Variants in EPHA6 observed in about 807,000 individuals in gnomAD.
EPHA6 encodes ephrin type-A receptor 6.
A neutral mutation model predicts 112.0 loss-of-function variants in EPHA6; 50 were observed. The observed-to-expected ratio is 0.45, with a 90% confidence interval of 0.36 to 0.56. The LOEUF is 0.56. Among genes scored for constraint, EPHA6 ranks in the 20% least tolerant of loss-of-function variants. The pLI, the probability that EPHA6 is intolerant of heterozygous loss-of-function variation, is 0.00. For missense variants in EPHA6, 1,280 were observed against 1,417.4 expected (o/e 0.90, Z 1.56); for synonymous variants, 529 against 490.7 (o/e 1.08, Z -1.03).
intron 2 of EPHA6, among the ~76,000 whole-genome samples, chr3:96,948,164 G>A (rs182043213): frequency 6.6e-6 from 1 of 151,958 alleles, no homozygotes; most frequent in Non-Finnish European, 1.5e-5. Context: ...TTGCACTTTG[G>A]CAAAGTTTAT....
intron 5 of EPHA6, among the ~76,000 whole-genome samples, chr3:97,253,555 C>A (rs1264453933): frequency 1.3e-5 from 2 of 152,092 alleles, no homozygotes; most frequent in African/African-American, 4.8e-5. Context: ...TATTTGTATT[C>A]ATTCTTTTAT....
chr3:97,345,740 C>A (rs529199096), intron 5 of EPHA6, among the ~76,000 whole-genome samples: 1 of 152,094 alleles, frequency 6.6e-6, no homozygotes, highest in South Asian at 2.1e-4. Context: ...ATGGTATAAC[C>A]TTTACCCACA....
intron 5 of EPHA6, among the ~76,000 whole-genome samples, chr3:97,396,607 T>TA (rs776025870): frequency 9.2e-5 from 14 of 151,758 alleles, no homozygotes; most frequent in Middle Eastern, 6.9e-3. Flanking sequence ...GAAAATGTAG[T>TA]AAAAAATGTA....
intron 11 of EPHA6, among the ~76,000 whole-genome samples, chr3:97,536,861 A>T (rs1257353745): frequency 2.6e-5 from 4 of 152,124 alleles, no homozygotes; most frequent in Non-Finnish European, 5.9e-5. Context: ...ACCACCACAC[A>T]CAAAAAAACG....
intron 7 of EPHA6, among the ~76,000 whole-genome samples, chr3:97,473,748 C>G (rs1320746525): frequency 6.6e-6 from 1 of 151,678 alleles, no homozygotes; most frequent in Non-Finnish European, 1.5e-5. Context: ...ACATTCATTC[C>G]CATGATATCG....
At chr3:96,849,058 G>T (rs2035241222) in intron 1 of EPHA6, among the ~76,000 whole-genome samples, 1 of 152,088 alleles carries the variant, frequency 6.6e-6, no homozygotes, top group South Asian at 2.1e-4. Flanking sequence ...CTGTCTTCTG[G>T]AGCAGCCTTC....
At chr3:96,943,134 G>T (rs1269820634) in intron 2 of EPHA6, among the ~76,000 whole-genome samples, 1 of 151,868 alleles carries the variant, frequency 6.6e-6, no homozygotes, top group Admixed American at 6.6e-5. Context: ...CGTCCTCCAG[G>T]TTCATCCGTG....
chr3:97,439,618 A>T (rs2090031911), intron 6 of EPHA6: 1 of 1,005,544 alleles, frequency 9.9e-7, no homozygotes, highest in South Asian at 4.7e-5. Flanking sequence ...GCAGAGTGGA[A>T]CTTCCCAGCC....
At chr3:97,204,508 A>G (rs532578791) in intron 3 of EPHA6, among the ~76,000 whole-genome samples, 14 of 152,248 alleles carry the variant, frequency 9.2e-5, no homozygotes, top group African/African-American at 2.4e-4. Context: ...TAGTAAGTGG[A>G]TGGGCCAAGA....
At chr3:97,094,610 T>G (rs1338961650) in intron 3 of EPHA6, among the ~76,000 whole-genome samples, 1 of 152,166 alleles carries the variant, frequency 6.6e-6, no homozygotes, top group Non-Finnish European at 1.5e-5. Context: ...ATCTGGTTAT[T>G]TCTTTGAGGT....
intron 9 of EPHA6, chr3:97,481,100 G>A (rs535505754): frequency 3.7e-6 from 2 of 533,918 alleles, no homozygotes; most frequent in African/African-American, 3.8e-5. Flanking sequence ...CTGCAATCTC[G>A]ACACTTTGGG....
At chr3:97,530,567 T>C (rs2092684352) in intron 10 of EPHA6, among the ~76,000 whole-genome samples, 1 of 151,742 alleles carries the variant, frequency 6.6e-6, no homozygotes, top group East Asian at 1.9e-4. Context: ...GTCAGGAAAT[T>C]CATCCTCCAA....
intron 14 of EPHA6, among the ~76,000 whole-genome samples, chr3:97,643,965 C>T (rs1196356053): frequency 4.6e-5 from 7 of 151,078 alleles, no homozygotes; most frequent in Non-Finnish European, 1.0e-4. Flanking sequence ...AACTCTCCAC[C>T]CCAAATCAAC....
chr3:96,943,267 G>A (rs2041076414), intron 2 of EPHA6, among the ~76,000 whole-genome samples: 1 of 151,818 alleles, frequency 6.6e-6, no homozygotes, highest in South Asian at 2.1e-4. Context: ...AAAATATCTA[G>A]AAGGGAGGAT....
At chr3:97,285,811 A>G (rs958428090) in intron 5 of EPHA6, among the ~76,000 whole-genome samples, 10 of 152,074 alleles carry the variant, frequency 6.6e-5, no homozygotes, top group Non-Finnish European at 1.5e-4. Flanking sequence ...AGAAATCTTT[A>G]TACTGTTTTC....
At chr3:97,266,025 C>T (rs2079670307) in intron 5 of EPHA6, among the ~76,000 whole-genome samples, 1 of 152,178 alleles carries the variant, frequency 6.6e-6, no homozygotes, top group Non-Finnish European at 1.5e-5. Flanking sequence ...ATGCCCATAA[C>T]TTAAAATCTG....
chr3:96,984,423 C>G (rs997893670), intron 2 of EPHA6, among the ~76,000 whole-genome samples: 1 of 152,154 alleles, frequency 6.6e-6, no homozygotes, highest in Non-Finnish European at 1.5e-5. Context: ...AGCTTCATCT[C>G]TGAGGGGTAC....
At chr3:97,714,866 C>G (rs1268388567) in intron 14 of EPHA6, among the ~76,000 whole-genome samples, 2 of 152,234 alleles carry the variant, frequency 1.3e-5, no homozygotes, top group African/African-American at 2.4e-5. Flanking sequence ...CTCCAGTAAG[C>G]ACATTAATGC....
chr3:97,564,008 T>C (rs989575454), intron 11 of EPHA6, among the ~76,000 whole-genome samples: 4 of 152,092 alleles, frequency 2.6e-5, no homozygotes, highest in Admixed American at 2.0e-4. Flanking sequence ...TGGAGGCTAA[T>C]AAAGGGACAT....
Sources: allele counts gnomAD v4.1 joint callset (sites outside exome capture counted in the v4.1 genomes callset), GRCh38; gene constraint gnomAD v4.1.1; transcripts MANE v1.5; gene names NCBI Gene and HGNC (gene_info 2026-07-23, HGNC 2026-07-21).